The following ITGA2 variants were observed in gnomAD, a reference collection of about 807,000 sequenced individuals.
ITGA2 encodes the protein integrin subunit alpha 2, also known as integrin alpha-2.
Under a neutral mutation model 146.3 loss-of-function variants are expected in ITGA2, and 101 were observed. The observed-to-expected ratio is 0.69, with a 90% CI of 0.59 to 0.81. The LOEUF (loss-of-function observed/expected upper bound fraction) is 0.81. ITGA2 is among the 40% of genes least tolerant of loss of function. ITGA2 has a pLI of 0.00. For missense variants in ITGA2, 1,281 were observed against 1,402.7 expected (o/e 0.91, Z 1.39); for synonymous variants, 477 against 487.1 (o/e 0.98, Z 0.27).
intron 27 of ITGA2, among the ~76,000 whole-genome samples, chr5:53,085,997 C>T (rs943227161): frequency 6.6e-6 from 1 of 152,128 alleles, no homozygotes; most frequent in Non-Finnish European, 1.5e-5. Flanking sequence ...CAACCTGTGC[C>T]TCCTGGGTTC....
rs977397579 is a variant in ITGA2, at chr5:53,082,377, A to C, written c.3144+681A>C. Among the ~76,000 whole-genome samples, 3 of 152,350 alleles carry C rather than the reference A, an allele frequency of 2.0e-5. No homozygotes were observed. The East Asian group carries it at 5.8e-4, about 29-fold the overall frequency. On this transcript the variant is annotated intron_variant, in intron 26 of 29. Transcript: ENST00000296585. The stretch of plus-strand genomic sequence containing the variant: ...GTTTTATTTTGTGAAGGATGGGGAA[A>C]ACAGGAAACCAGAAGAATAAAATTA...
Position 53,091,073 on chromosome 5 carries a change from A to G in ITGA2, c.*474A>G, listed in dbSNP as rs968593532. 9.5e-6 allele frequency: 1 copy of G among 104,860 alleles called. No homozygotes were observed. The highest frequency in any genetic ancestry group is 1.9e-5 in the Non-Finnish European group (1 of 53,210). 6.5% of individuals were successfully genotyped at this position (104,860 alleles called of 1,614,324 possible). A position where few individuals can be genotyped will look rare whatever the true frequency, so the allele number is the denominator to read the frequency against. ...TATATTTTAATGAATATTGATGTTA[A>G]CAAGAGGGGAAAACAAAACACAGGT... On this transcript the variant is annotated 3_prime_UTR_variant, in exon 30 of 30. Coordinates refer to ENST00000296585, the MANE Select transcript of ITGA2 (RefSeq NM_002203.4).
At chr5:52,990,720 G>A (rs997866197) in intron 1 of ITGA2, among the ~76,000 whole-genome samples, 2 of 152,030 alleles carry the variant, frequency 1.3e-5, no homozygotes, top group Admixed American at 6.5e-5. Flanking sequence ...AGAGATAAGA[G>A]AGAAATAGCA....
chr5:52,998,699 C>T (rs533384001), intron 1 of ITGA2, among the ~76,000 whole-genome samples: 1 of 152,116 alleles, frequency 6.6e-6, no homozygotes, highest in South Asian at 2.1e-4. Flanking sequence ...TTTCAATAAC[C>T]CTTTCAGAAC....
chr5:53,080,627 G>A lies in ITGA2; in HGVS notation c.3039+6G>A, dbSNP rs778787545. On this transcript the variant is annotated splice_donor_region_variant and intron_variant, in intron 25 of 29. Transcript: ENST00000296585. ...CTGGGGTGCAAACAGACAAGGTAAAGATTAAAAAATTGCCTAAAAATGTGT... is the reference window on the plus strand; with the variant it reads ...CTGGGGTGCAAACAGACAAGGTAAAAATTAAAAAATTGCCTAAAAATGTGT... 1.2e-4 allele frequency: 198 copies of A among 1,603,172 alleles called. 1 individual carries two copies. The highest frequency in any genetic ancestry group is 1.2e-4 in the Admixed American group (7 of 59,918).
chr5:53,006,578 GCAAT>G (rs934057658), intron 1 of ITGA2, among the ~76,000 whole-genome samples: 3 of 152,150 alleles, frequency 2.0e-5, no homozygotes, highest in African/African-American at 7.2e-5. Flanking sequence ...GAAAGGTGAA[GCAAT>G]CAGTGTTTAT....
At chr5:53,011,068 G>A (rs959100156) in intron 1 of ITGA2, among the ~76,000 whole-genome samples, 9 of 152,124 alleles carry the variant, frequency 5.9e-5, no homozygotes, top group Non-Finnish European at 1.2e-4. Flanking sequence ...TGCAGAGGGA[G>A]CAGAGCCCTG....
rs749237506 is a variant in ITGA2 at position 53,086,998 on chromosome 5, C to T, written c.3305C>T (p.Thr1102Ile). 6.2e-7 allele frequency: 1 copy of T among 1,613,790 alleles called. No individual in the cohort carries two copies. The highest frequency in any genetic ancestry group is 1.7e-5 in the Admixed American group (1 of 60,014). ...VQLTAAAEIN[T>I]YNPEIYVIED... ...CTAACGGCAGCTGCAGAAATCAACA[C>T]CTATAACCCTGAGATATATGTGATT... Residue 1102 changes from threonine to isoleucine, a missense_variant, in exon 28 of 30, where the codon ACC (threonine) becomes ATC (isoleucine). This residue lies in a region of ITGA2 where 475 missense variants were observed against 530.5 expected (regional missense o/e 0.90). Coordinates refer to ENST00000296585, the MANE Select transcript of ITGA2 (RefSeq NM_002203.4).
At chr5:53,007,946 A>G (rs2111729613) in intron 1 of ITGA2, among the ~76,000 whole-genome samples, 1 of 152,234 alleles carries the variant, frequency 6.6e-6, no homozygotes, top group Non-Finnish European at 1.5e-5. Context: ...TAAACCTTAA[A>G]TGATACAACT....
chr5:53,009,306 G>C (rs1398113450), intron 1 of ITGA2, among the ~76,000 whole-genome samples: 1 of 152,090 alleles, frequency 6.6e-6, no homozygotes, highest in East Asian at 1.9e-4. Flanking sequence ...ACCTTATCTG[G>C]AAAGAGGGTT....
In ITGA2 at chr5:53,059,834, G is replaced by T. The variant is rs764808809; in HGVS notation, c.1174-40G>T. ...TACCCTGCATTCTTATGTTTTAAAGGTGATTTGTTTCAATGATCTTCATTT... is the reference window on the plus strand; with the variant it reads ...TACCCTGCATTCTTATGTTTTAAAGTTGATTTGTTTCAATGATCTTCATTT... On this transcript the variant is annotated intron_variant, in intron 10 of 29. Transcript: ENST00000296585. The T allele has an allele frequency of 1.8e-5, 29 of 1,599,676 alleles. No individual in the cohort carries two copies. The Middle Eastern group carries it at 5.0e-4, about 28-fold the overall frequency.
intron 15 of ITGA2, 85 bp downstream of exon 15, chr5:53,066,062 A>C: frequency 1.6e-6 from 2 of 1,215,964 alleles, no homozygotes; most frequent in Non-Finnish European, 2.4e-6. Flanking sequence ...TATTATAGAA[A>C]TGCCACATGC....
chr5:53,058,818 A>G (rs549170670), intron 10 of ITGA2, among the ~76,000 whole-genome samples: 7 of 152,088 alleles, frequency 4.6e-5, no homozygotes, highest in African/African-American at 7.2e-5. Context: ...TGGATCATCA[A>G]TCCTTAGAGA....
At chr5:53,080,192 G>GT (rs762997129) in intron 24 of ITGA2, among the ~76,000 whole-genome samples, 1 of 152,200 alleles carries the variant, frequency 6.6e-6, no homozygotes, top group East Asian at 1.9e-4. Context: ...TAGATGTTGA[G>GT]TTTTTTTCCA....
intron 10 of ITGA2, among the ~76,000 whole-genome samples, chr5:53,058,328 T>C (rs959342205): frequency 6.6e-6 from 1 of 151,870 alleles, no homozygotes; most frequent in African/African-American, 2.4e-5. Flanking sequence ...GGAAAACTGA[T>C]AGTATACCAG....
chr5:52,989,996 C>T, intron 1 of ITGA2: 1 of 195,266 alleles, frequency 5.1e-6, no homozygotes, highest in Non-Finnish European at 1.1e-5. Context: ...CCTGCAGCTC[C>T]CCAGCGCGGT....
intron 12 of ITGA2, among the ~76,000 whole-genome samples, chr5:53,061,857 A>G: frequency 6.6e-6 from 1 of 151,838 alleles, no homozygotes; most frequent in East Asian, 1.9e-4. Flanking sequence ...GTTCCTATGG[A>G]TTTTCTAGGA....
At chr5:53,082,329 C>G (rs1164519327) in intron 26 of ITGA2, among the ~76,000 whole-genome samples, 2 of 152,128 alleles carry the variant, frequency 1.3e-5, no homozygotes, top group Non-Finnish European at 2.9e-5. Flanking sequence ...TTGGAATTCT[C>G]CTGGTTTTCT....
Position 53,056,165 on chromosome 5 carries a change from T to A in ITGA2, c.1096+16T>A, listed in dbSNP as rs118050125. The A allele has an allele frequency of 6.0e-3, 9,650 of 1,606,604 alleles. 89 individuals are homozygous for A. The highest frequency in any genetic ancestry group is 0.042 in the East Asian group (1,888 of 44,590). ...AGCATTGAAGGTAAAAAAAATAACC[T>A]CCTTTCAAGAATTTTCTTCAAAATG... On this transcript the variant is annotated intron_variant, in intron 9 of 29. Transcript: ENST00000296585.
Sources: allele counts gnomAD v4.1 joint callset (sites outside exome capture counted in the v4.1 genomes callset), GRCh38; gene constraint gnomAD v4.1.1; regional missense constraint gnomAD v4.1.1; transcripts MANE v1.5; gene names NCBI Gene and HGNC (gene_info 2026-07-23, HGNC 2026-07-21).